Variants in PLAGL1 observed in about 807,000 individuals in gnomAD.
PLAGL1 encodes the protein PLAG1 like zinc finger 1, also known as zinc finger protein PLAGL1.
A neutral mutation model predicts 4.6 loss-of-function variants in PLAGL1; 1 was observed. The observed-to-expected ratio is 0.22, with a 90% CI of 0.08 to 1.03. The LOEUF is 1.03. PLAGL1 is among the 50% of genes least tolerant of loss of function. PLAGL1 has a pLI of 0.58. For synonymous variants in PLAGL1, 240 were observed against 237.8 expected (o/e 1.01, Z -0.08); for missense variants, 464 against 570.4 (o/e 0.81, Z 1.90).
At position 143,971,199 on chromosome 6, in the gene PLAGL1, T is replaced by A. The variant is rs1464580275; in HGVS notation, c.-543-2221A>T. ...TCATGAGAAATCTAAAATCTCAGAA[T>A]CACATCCCGCTGACCCGACGTTATT... On this transcript the variant is annotated intron_variant, in intron 2 of 7. Coordinates refer to ENST00000674357, the MANE Select transcript of PLAGL1 (RefSeq NM_001317162.2). This position sits in a 1 kb window ranked among gnomAD's most constrained non-coding sequence, Gnocchi z 4.7. 2.0e-5 allele frequency among the ~76,000 whole-genome samples: 3 copies of A among 152,082 alleles called. No homozygotes were observed. Among genetic ancestry groups the A allele is most frequent in the Non-Finnish European group, 4.4e-5 (3 of 67,994 alleles).
intron 1 of PLAGL1, chr6:144,037,699 G>A (rs1052618450): frequency 1.3e-4 from 6 of 46,624 alleles, no homozygotes; most frequent in Non-Finnish European, 3.4e-4. Flanking sequence ...TCAACATTAT[G>A]AACTATGTTT....
intron 1 of PLAGL1, among the ~76,000 whole-genome samples, chr6:144,047,068 G>A (rs1798213500): frequency 6.6e-6 from 1 of 152,236 alleles, no homozygotes; most frequent in Non-Finnish European, 1.5e-5. Context: ...CAGTATTTGG[G>A]TGGCAATGTC....
chr6:144,030,186 C>T (rs559553324), intron 1 of PLAGL1, among the ~76,000 whole-genome samples: 75 of 122,188 alleles, frequency 6.1e-4, no homozygotes, highest in Non-Finnish European at 1.1e-3. Context: ...ACCTGGGAGG[C>T]GGAGCTTGCA....
chr6:143,945,120 T>G lies in PLAGL1; in HGVS notation c.153-2457A>C, dbSNP rs1408047776. Among the ~76,000 whole-genome samples, 1 of 152,230 alleles carries G rather than the reference T, an allele frequency of 6.6e-6. No homozygotes were observed. Among genetic ancestry groups the G allele is most frequent in the Non-Finnish European group, 1.5e-5 (1 of 68,042 alleles). The stretch of plus-strand genomic sequence containing the variant: ...GGCATCTACTTCTTTCCCTTTTAAT[T>G]TATCCCTTACTTACTCAACAATCCT... On this transcript the variant is annotated intron_variant, in intron 7 of 7. Coordinates refer to ENST00000674357, the MANE Select transcript of PLAGL1 (RefSeq NM_001317162.2). This position sits in a 1 kb window ranked among gnomAD's most constrained non-coding sequence, Gnocchi z 4.2.
In PLAGL1 at chr6:144,043,018, T is replaced by G. The variant is rs551738918; in HGVS notation, c.-151+21450A>C. Reference sequence around the variant, plus strand: ...AGGAATGCTTGTGATTTTTCCACATTGATTTTGTATCCTAAGACTTTGCTG... The same window carrying G: ...AGGAATGCTTGTGATTTTTCCACATGGATTTTGTATCCTAAGACTTTGCTG... On this transcript the variant is annotated intron_variant, in intron 1 of 3. Transcript: ENST00000437412. Among the ~76,000 whole-genome samples the G allele has an allele frequency of 9.2e-5, 14 of 152,344 alleles. No individual in the cohort carries two copies. In the South Asian group the frequency reaches 2.9e-3, roughly 32 times the overall value.
chr6:144,037,171 T>A (rs544299731), intron 1 of PLAGL1: 1 of 153,396 alleles, frequency 6.5e-6, no homozygotes, highest in Non-Finnish European at 1.5e-5. Context: ...AGAGGACCAC[T>A]GAACCATTTA....
chr6:143,981,370 C>T (rs764793336), intron 2 of PLAGL1, among the ~76,000 whole-genome samples: 6 of 152,226 alleles, frequency 3.9e-5, no homozygotes, highest in East Asian at 1.9e-4. Flanking sequence ...AATCAGCACT[C>T]GGCTGAAGCC....
At chr6:143,988,746 G>C (rs906539577) in intron 1 of PLAGL1, among the ~76,000 whole-genome samples, 2 of 152,148 alleles carry the variant, frequency 1.3e-5, no homozygotes, top group Admixed American at 6.5e-5. Context: ...TCCTCCAACT[G>C]TCTACTGCTG....
chr6:143,943,111 G>A (rs762085931), intron 7 of PLAGL1, among the ~76,000 whole-genome samples: 3 of 139,784 alleles, frequency 2.1e-5, no homozygotes, highest in Admixed American at 7.9e-5. Flanking sequence ...TGATCCTCCC[G>A]CCTTGGCCTC....
At position 143,950,770 on chromosome 6, in the gene PLAGL1, T is replaced by C. The variant is rs146999642; in HGVS notation, c.-324-2310A>G. On this transcript the variant is annotated intron_variant, in intron 6 of 7. Coordinates refer to ENST00000674357, the MANE Select transcript of PLAGL1 (RefSeq NM_001317162.2). The surrounding 1 kb of genome is among the most constrained non-coding windows in gnomAD (Gnocchi z 6.3). ...TAAGTTGATTCTCCCCAATTCTTGC[T>C]TTATGAGATGACTGGCATGTCCAAC... Among the ~76,000 whole-genome samples, 35 of 152,310 alleles carry C rather than the reference T, an allele frequency of 2.3e-4. No individual in the cohort carries two copies. The highest frequency in any genetic ancestry group is 3.7e-4 in the Non-Finnish European group (25 of 68,026).
At chr6:143,991,890 G>T (rs937303040) in intron 1 of PLAGL1, among the ~76,000 whole-genome samples, 21 of 152,218 alleles carry the variant, frequency 1.4e-4, no homozygotes, top group African/African-American at 5.1e-4. Context: ...TGTGGACATA[G>T]TGGGCAGAGT....
rs1039107805 is a variant in PLAGL1, at chr6:143,950,510, A to G, written c.-324-2050T>C. Among the ~76,000 whole-genome samples the G allele has an allele frequency of 1.3e-4, 20 of 152,326 alleles. No individual in the cohort carries two copies. Among genetic ancestry groups the G allele is most frequent in the Admixed American group, 1.3e-3 (20 of 15,296 alleles). ...CATAATACCGGCCCAGCTATAAAAC[A>G]CACTCATTCACTTAGAATTGCTCTG... On this transcript the variant is annotated intron_variant, in intron 6 of 7. Coordinates refer to ENST00000674357, the MANE Select transcript of PLAGL1 (RefSeq NM_001317162.2). This position sits in a 1 kb window ranked among gnomAD's most constrained non-coding sequence, Gnocchi z 6.3.
intron 1 of PLAGL1, among the ~76,000 whole-genome samples, chr6:144,002,166 T>C (rs1793048156): frequency 6.6e-6 from 1 of 152,174 alleles, no homozygotes; most frequent in African/African-American, 2.4e-5. Context: ...TGCACTATCT[T>C]TGCAATTCTT....
rs1784747590 is a variant in PLAGL1, at chr6:143,968,002, A to AAAG, written c.-472+904_-472+905insCTT. ...TGACCATCAAGGACATTTTGCAAAAAAAAAAAAAAAAAAAAACAGTCTGGA... is the reference window on the plus strand; with the variant it reads ...TGACCATCAAGGACATTTTGCAAAAAAAGAAAAAAAAAAAAAAAACAGTCTGGA... On this transcript the variant is annotated intron_variant, in intron 3 of 7. Transcript: ENST00000674357. This position sits in a 1 kb window ranked among gnomAD's most constrained non-coding sequence, Gnocchi z 6.3. 1 of 150,422 alleles carries AAAG rather than the reference A, an allele frequency of 6.6e-6. No individual in the cohort carries two copies. The highest frequency in any genetic ancestry group is 2.4e-5 in the African/African-American group (1 of 40,934). The allele number at this position is 150,422 out of a possible 1,614,324, so 9.3% of individuals were successfully genotyped here.
In PLAGL1 at chr6:143,964,195, C is replaced by T. The variant is rs1391152939; in HGVS notation, c.-399+592G>A. Reference sequence around the variant, plus strand: ...AGTAGAATCCTTGAGAAGACAGCTACGTGAAGAGTGTGCCTCGGGAGGCCA... The same window carrying T: ...AGTAGAATCCTTGAGAAGACAGCTATGTGAAGAGTGTGCCTCGGGAGGCCA... On this transcript the variant is annotated intron_variant, in intron 5 of 7. Coordinates refer to ENST00000674357, the MANE Select transcript of PLAGL1 (RefSeq NM_001317162.2). The surrounding 1 kb of genome is among the most constrained non-coding windows in gnomAD (Gnocchi z 4.3). 6.6e-6 allele frequency among the ~76,000 whole-genome samples: 1 copy of T among 152,178 alleles called. No individual in the cohort carries two copies. The highest frequency in any genetic ancestry group is 2.4e-5 in the African/African-American group (1 of 41,440).
chr6:143,978,412 TTTTC>T lies in PLAGL1; in HGVS notation c.-544+6719_-544+6722del, dbSNP rs1787186145. Reference sequence around the variant, plus strand: ...AATATTTAAACATTTTTCTTGAGATTTTTCTTTGATCCATGGGTTATTTAGAAGC... The same window carrying T: ...AATATTTAAACATTTTTCTTGAGATTTTTGATCCATGGGTTATTTAGAAGC... On this transcript the variant is annotated intron_variant, in intron 2 of 7. Transcript: ENST00000674357. The surrounding 1 kb of genome is among the most constrained non-coding windows in gnomAD (Gnocchi z 4.6). Among the ~76,000 whole-genome samples the T allele has an allele frequency of 6.6e-6, 1 of 152,190 alleles. No individual in the cohort carries two copies. The highest frequency in any genetic ancestry group is 2.4e-5 in the African/African-American group (1 of 41,450).
chr6:143,946,045 C>G (rs936261897), intron 7 of PLAGL1, among the ~76,000 whole-genome samples: 33 of 151,982 alleles, frequency 2.2e-4, no homozygotes, highest in Admixed American at 3.9e-4. Context: ...TCGGAACATG[C>G]GGGGTACTGA....
rs1396118953 is a variant in PLAGL1, at chr6:143,945,416, G to C, written c.152+2569C>G. On this transcript the variant is annotated intron_variant, in intron 7 of 7. Coordinates refer to ENST00000674357, the MANE Select transcript of PLAGL1 (RefSeq NM_001317162.2). This position sits in a 1 kb window ranked among gnomAD's most constrained non-coding sequence, Gnocchi z 4.2. Reference sequence around the variant, plus strand: ...AACTGGTTTCATTATATGCTGTACTGGGACCCACATTCTGTTTTCTGGTTA... The same window carrying C: ...AACTGGTTTCATTATATGCTGTACTCGGACCCACATTCTGTTTTCTGGTTA... Among the ~76,000 whole-genome samples the C allele has an allele frequency of 6.6e-6, 1 of 151,830 alleles. No homozygotes were observed. Among genetic ancestry groups the C allele is most frequent in the African/African-American group, 2.4e-5 (1 of 41,140 alleles).
Position 143,995,852 on chromosome 6 carries a change from A to G in PLAGL1, c.-583-10678T>C, listed in dbSNP as rs1791490700. ...TTTTGTTTCAAAGCCCAGTAATAAT[A>G]AGTATTTCCATAAAATACCTACATT... On this transcript the variant is annotated intron_variant, in intron 1 of 7. Coordinates refer to ENST00000674357, the MANE Select transcript of PLAGL1 (RefSeq NM_001317162.2). The surrounding 1 kb of genome is among the most constrained non-coding windows in gnomAD (Gnocchi z 4.4). 6.6e-6 allele frequency among the ~76,000 whole-genome samples: 1 copy of G among 152,210 alleles called. No individual in the cohort carries two copies. Among genetic ancestry groups the G allele is most frequent in the African/African-American group, 2.4e-5 (1 of 41,456 alleles).
Sources: gnomAD v4.1 joint callset for allele counts (sites outside exome capture counted in the v4.1 genomes callset) on GRCh38, gnomAD v4.1.1 for gene constraint, Gnocchi (gnomAD v3.1) non-coding constraint, MANE v1.5 for transcripts, NCBI Gene and HGNC (gene_info 2026-07-23, HGNC 2026-07-21) for gene names.